The following ATRN variants were observed in gnomAD, a reference collection of about 807,000 sequenced individuals.
The protein encoded by ATRN is attractin.
In ATRN, 54 loss-of-function variants were observed where a neutral mutation model predicts 178.7. The ratio of observed to expected loss-of-function variants is 0.30; its 90% CI spans 0.24 to 0.38. The LOEUF (loss-of-function observed/expected upper bound fraction) is 0.38, where lower values mean the gene tolerates loss of function less well. Among genes scored for constraint, ATRN ranks in the 10% least tolerant of loss-of-function variants. ATRN has a pLI of 1.00. For missense variants in ATRN, 1,443 were observed against 1,815.1 expected, an observed-to-expected ratio of 0.79 and a Z score of 3.73; for synonymous variants, 636 against 663.0, an observed-to-expected ratio of 0.96 and a Z score of 0.63.
chr20:3,611,023 A>G (rs1230784056), intron 24 of ATRN, among the ~76,000 whole-genome samples: 1 of 152,164 alleles, frequency 6.6e-6, no homozygotes, highest in Non-Finnish European at 1.5e-5. Flanking sequence ...CTCACATCTT[A>G]TATAAGAATT....
intron 1 of ATRN, among the ~76,000 whole-genome samples, chr20:3,513,437 C>T (rs1420271028): frequency 6.6e-6 from 1 of 152,180 alleles, no homozygotes; most frequent in Non-Finnish European, 1.5e-5. Context: ...GGTATTATTT[C>T]TGAAGGCTCT....
At chr20:3,624,458 T>A in intron 24 of ATRN, 53 bp from the exon 25 acceptor site, 2 of 1,399,136 alleles carry the variant, frequency 1.4e-6, no homozygotes, top group Non-Finnish European at 1.0e-6. Context: ...GAAGCGTGAA[T>A]CCGTGGTGGT....
At chr20:3,536,122 T>C (rs1479918056) in intron 2 of ATRN, among the ~76,000 whole-genome samples, 2 of 152,180 alleles carry the variant, frequency 1.3e-5, no homozygotes, top group African/African-American at 2.4e-5. Context: ...GGGAGACTTT[T>C]AAAGCAGTAC....
intron 4 of ATRN, among the ~76,000 whole-genome samples, chr20:3,546,174 G>C (rs1165886656): frequency 6.6e-6 from 1 of 152,156 alleles, no homozygotes; most frequent in Non-Finnish European, 1.5e-5. Context: ...TTCTAGAAGA[G>C]AGGGACTTTT....
intron 1 of ATRN, among the ~76,000 whole-genome samples, chr20:3,475,798 AAAAG>A (rs1302923783): frequency 1.3e-5 from 2 of 152,230 alleles, no homozygotes; most frequent in Non-Finnish European, 2.9e-5. Flanking sequence ...TGTAGAAAAA[AAAAG>A]AAAGGAACTA....
intron 1 of ATRN, among the ~76,000 whole-genome samples, chr20:3,504,738 T>C (rs1000590811): frequency 7.1e-6 from 1 of 140,016 alleles, no homozygotes; most frequent in African/African-American, 2.6e-5. Flanking sequence ...ATAATAATAA[T>C]AGACTGCCCC....
At chr20:3,596,173 A>G (rs1209931547) in intron 20 of ATRN, among the ~76,000 whole-genome samples, 3 of 152,176 alleles carry the variant, frequency 2.0e-5, no homozygotes, top group African/African-American at 7.2e-5. Context: ...GTCCTCATAT[A>G]GTTGGTGTGT....
intron 25 of ATRN, among the ~76,000 whole-genome samples, chr20:3,629,927 G>A (rs550959792): frequency 7.1e-6 from 1 of 140,404 alleles, no homozygotes; most frequent in South Asian, 2.2e-4. Flanking sequence ...GCTCCCCCAA[G>A]CCTCATCATT....
chr20:3,599,425 G>A (rs2086575786), intron 22 of ATRN, among the ~76,000 whole-genome samples: 1 of 152,146 alleles, frequency 6.6e-6, no homozygotes, highest in Non-Finnish European at 1.5e-5. Flanking sequence ...GGATTTCCCA[G>A]TTTATCTTAC....
intron 1 of ATRN, among the ~76,000 whole-genome samples, chr20:3,507,645 A>G (rs2085064681): frequency 1.3e-5 from 2 of 152,026 alleles, no homozygotes; most frequent in South Asian, 2.1e-4. Context: ...ATGAGGAAGG[A>G]AAAGCATACT....
intron 16 of ATRN, 55 bp from the exon 17 acceptor site, chr20:3,583,843 G>T: frequency 1.1e-5 from 16 of 1,445,952 alleles, no homozygotes; most frequent in Non-Finnish European, 1.4e-5. Context: ...AAAAGTCTTT[G>T]ACCTTAGCGG....
At chr20:3,591,412 C>T in intron 19 of ATRN, 106 bp downstream of exon 19, 1 of 1,335,234 alleles carries the variant, frequency 7.5e-7, no homozygotes, top group Non-Finnish European at 1.0e-6. Context: ...TTTTGGATAC[C>T]ACATTTCTTA....
At chr20:3,598,170 A>G (rs1040716315) in intron 22 of ATRN, among the ~76,000 whole-genome samples, 170 bp downstream of exon 22, 3 of 152,240 alleles carry the variant, frequency 2.0e-5, no homozygotes, top group African/African-American at 7.2e-5. Flanking sequence ...TCCTTTCCAC[A>G]TAAAAGGCAA....
chr20:3,481,021 A>G (rs2084613086), intron 1 of ATRN, among the ~76,000 whole-genome samples: 1 of 152,184 alleles, frequency 6.6e-6, no homozygotes, highest in South Asian at 2.1e-4. Flanking sequence ...CCACTTAAAT[A>G]GTACTCTCCT....
intron 1 of ATRN, among the ~76,000 whole-genome samples, chr20:3,473,325 C>CT (rs2084459926): frequency 6.6e-6 from 1 of 152,026 alleles, no homozygotes; most frequent in Non-Finnish European, 1.5e-5. Context: ...GATGTGAAGT[C>CT]TGAGGGGTGA....
At chr20:3,474,626 G>T (rs2084489988) in intron 1 of ATRN, among the ~76,000 whole-genome samples, 1 of 151,780 alleles carries the variant, frequency 6.6e-6, no homozygotes, top group Non-Finnish European at 1.5e-5. Context: ...AGAATGGCGT[G>T]AACCCGGGAG....
intron 25 of ATRN, among the ~76,000 whole-genome samples, chr20:3,625,208 CAGTTA>C (rs2146315515): frequency 6.6e-6 from 1 of 152,250 alleles, no homozygotes; most frequent in East Asian, 1.9e-4. Flanking sequence ...CTTGGTTTTT[CAGTTA>C]AGTTCTCTTT....
At chr20:3,514,118 G>A (rs2085174598) in intron 1 of ATRN, among the ~76,000 whole-genome samples, 1 of 152,174 alleles carries the variant, frequency 6.6e-6, no homozygotes, top group African/African-American at 2.4e-5. Flanking sequence ...GCTGGGAGCT[G>A]TAGACTGGAG....
intron 1 of ATRN, among the ~76,000 whole-genome samples, chr20:3,512,560 A>G (rs2085149951): frequency 2.0e-5 from 3 of 152,162 alleles, no homozygotes; most frequent in Non-Finnish European, 2.9e-5. Flanking sequence ...TAGTGCCTCA[A>G]TAAACATACG....
Sources: allele counts gnomAD v4.1 joint callset (sites outside exome capture counted in the v4.1 genomes callset), GRCh38; gene constraint gnomAD v4.1.1; transcripts MANE v1.5; gene names NCBI Gene and HGNC (gene_info 2026-07-23, HGNC 2026-07-21).